Variants in SUV39H2 observed in about 807,000 individuals in gnomAD.
SUV39H2 encodes SUV39H2 histone lysine methyltransferase, also known as histone-lysine N-methyltransferase SUV39H2.
A neutral mutation model predicts 47.5 loss-of-function variants in SUV39H2; 10 were observed. The ratio of observed to expected loss-of-function variants is 0.21; its 90% CI spans 0.13 to 0.36. The LOEUF (loss-of-function observed/expected upper bound fraction) is 0.36, where lower values mean the gene tolerates loss of function less well. Ranked by LOEUF, SUV39H2 falls within the 10% of genes least tolerant of loss-of-function variation. The probability of loss-of-function intolerance (pLI) is 1.00; values close to 1 mark genes in which losing one functional copy is unlikely to be tolerated. For missense variants in SUV39H2, 266 were observed against 487.4 expected (o/e 0.55, Z 4.28); for synonymous variants, 159 against 166.8 (o/e 0.95, Z 0.36).
At chr10:14,899,797 A>G in intron 4 of SUV39H2, 112 bp downstream of exon 4, 1 of 1,305,560 alleles carries the variant, frequency 7.7e-7, no homozygotes, top group Non-Finnish European at 1.0e-6. Flanking sequence ...CATTTCCAAA[A>G]TATGTATTTT....
rs117353237 is a variant in SUV39H2 at position 14,898,742 on chromosome 10, C to T, written c.850-797C>T. 6.3e-3 allele frequency: 961 copies of T among 153,004 alleles called. 4 individuals carry two copies. The highest frequency in any genetic ancestry group is 9.6e-3 in the Non-Finnish European group (661 of 68,540). The allele number at this position is 153,004 out of a possible 1,614,324, so 9.5% of individuals were successfully genotyped here. A position where few individuals can be genotyped will look rare whatever the true frequency, so the allele number is the denominator to read the frequency against. On this transcript the variant is annotated intron_variant, in intron 3 of 5. Coordinates refer to ENST00000354919, the MANE Select transcript of SUV39H2 (RefSeq NM_001193424.2). ...TTCTTAAGAGCAGAACTGTAGATGA[C>T]GATCTTAGACTTACAGAATTGCATG...
intron 3 of SUV39H2, chr10:14,897,928 A>C (rs2131705409): frequency 6.5e-6 from 1 of 153,216 alleles, no homozygotes; most frequent in South Asian, 2.1e-4. Context: ...GCAGAACTCT[A>C]TTTTGGATCA....
At chr10:14,894,153 C>T (rs1468778283) in intron 2 of SUV39H2, among the ~76,000 whole-genome samples, 2 of 151,636 alleles carry the variant, frequency 1.3e-5, no homozygotes, top group East Asian at 3.9e-4. Context: ...TAGCGGTCAC[C>T]TGAAAGGAGG....
chr10:14,889,663 C>T (rs1347639576), intron 2 of SUV39H2, among the ~76,000 whole-genome samples: 3 of 152,120 alleles, frequency 2.0e-5, no homozygotes, highest in Non-Finnish European at 4.4e-5. Flanking sequence ...GGTCATACAT[C>T]ACTGAAAATA....
At position 14,897,028 on chromosome 10, in the gene SUV39H2, A is replaced by G. The variant is rs779320832; in HGVS notation, c.360A>G (p.Lys120=). ...CAAAAGACAATAACAAAACTTTGAA[A>G]CCTGCCATTGCTGAGTACATTGTGA... ...ITPKDNNKTL[K]PAIAEYIVKK... Residue 120 remains lysine (K), a synonymous_variant, in exon 3 of 6, where the codon AAA becomes AAG. Coordinates refer to ENST00000354919, the MANE Select transcript of SUV39H2 (RefSeq NM_001193424.2). The G allele has an allele frequency of 3.1e-6, 5 of 1,614,128 alleles. No homozygotes were observed. The highest frequency in any genetic ancestry group is 4.2e-6 in the Non-Finnish European group (5 of 1,180,022).
At chr10:14,889,598 A>C (rs898146570) in intron 2 of SUV39H2, among the ~76,000 whole-genome samples, 17 of 152,186 alleles carry the variant, frequency 1.1e-4, no homozygotes, top group Admixed American at 3.9e-4. Context: ...GAAGGCTGGC[A>C]GTTAAGGCAG....
At position 14,894,407 on chromosome 10, in the gene SUV39H2, G is replaced by A. The variant is rs1410844572; in HGVS notation, c.178-2439G>A. ...TTTTGAGACGGAGTCTCGCTCTGTC[G>A]CCCAGGCTGGAGTGCAGTGGCGCGA... On this transcript the variant is annotated intron_variant, in intron 2 of 5. Transcript: ENST00000354919. Among the ~76,000 whole-genome samples, 3 of 44,034 alleles carry A rather than the reference G, an allele frequency of 6.8e-5. 1 individual carries two copies. The highest frequency in any genetic ancestry group is 6.8e-4 in the Admixed American group (2 of 2,944). The allele number at this position is 44,034 out of a possible 152,430, so 28.9% of individuals were successfully genotyped here. A position where few individuals can be genotyped will look rare whatever the true frequency, so the allele number is the denominator to read the frequency against.
At chr10:14,879,159 A>G (rs114727491) in intron 1 of SUV39H2, 99 of 1,206,512 alleles carry the variant, frequency 8.2e-5, no homozygotes, top group African/African-American at 1.6e-4. Context: ...GGCACTTCGG[A>G]AGTGGAGCGT....
intron 2 of SUV39H2, among the ~76,000 whole-genome samples, chr10:14,895,935 TTTTG>T (rs1416666789): frequency 9.9e-5 from 15 of 151,886 alleles, no homozygotes; most frequent in African/African-American, 2.2e-4. Context: ...TTGCTTTTTT[TTTTG>T]TTTGTTTGTT....
chr10:14,896,072 T>C (rs1833589175), intron 2 of SUV39H2, among the ~76,000 whole-genome samples: 1 of 152,100 alleles, frequency 6.6e-6, no homozygotes, highest in African/African-American at 2.4e-5. Context: ...CCCTCCCTAG[T>C]ACTGGCATTA....
chr10:14,889,189 A>G (rs142773679), intron 2 of SUV39H2, among the ~76,000 whole-genome samples: 79 of 152,308 alleles, frequency 5.2e-4, no homozygotes, highest in African/African-American at 1.7e-3. Flanking sequence ...CTTTCAAGAA[A>G]ACGAGAGGGC....
In SUV39H2 at chr10:14,881,574, T is replaced by C. The variant is rs1833040578; in HGVS notation, c.106T>C (p.Ser36Pro). 6.2e-7 allele frequency: 1 copy of C among 1,605,398 alleles called. No homozygotes were observed. The highest frequency in any genetic ancestry group is 1.1e-5 in the South Asian group (1 of 89,258). Residue 36 changes from serine (S) to proline (P), a missense_variant, in exon 2 of 6, where the codon TCG becomes CCG. By Grantham distance (74) the Ser-to-Pro change is moderately conservative. Around this residue, in one of 4 missense-constraint regions of SUV39H2, gnomAD observed 32 missense variants for 77.2 expected, o/e 0.41. Transcript: ENST00000354919. Reference protein sequence around the residue: ...LCRKEKLTCKSIGITKRNLNN... With the variant: ...LCRKEKLTCKPIGITKRNLNN... ...TAGAAAAGAAAAGCTCACATGTAAATCGATTGGAATCACCAAAAGGAATCT... is the reference window on the plus strand; with the variant it reads ...TAGAAAAGAAAAGCTCACATGTAAACCGATTGGAATCACCAAAAGGAATCT...
intron 2 of SUV39H2, among the ~76,000 whole-genome samples, chr10:14,896,280 A>C (rs1427971256): frequency 6.6e-6 from 1 of 152,152 alleles, no homozygotes; most frequent in African/African-American, 2.4e-5. Flanking sequence ...CTCAATTCAG[A>C]TTGGCCACAT....
chr10:14,886,150 G>A (rs1021926074), intron 2 of SUV39H2, among the ~76,000 whole-genome samples: 1 of 152,212 alleles, frequency 6.6e-6, no homozygotes, highest in Non-Finnish European at 1.5e-5. Flanking sequence ...AAACATAGCT[G>A]AAGAACAGAC....
At chr10:14,885,589 C>T (rs1201635249) in intron 2 of SUV39H2, among the ~76,000 whole-genome samples, 1 of 152,182 alleles carries the variant, frequency 6.6e-6, no homozygotes, top group Non-Finnish European at 1.5e-5. Context: ...TTAGTTTCTT[C>T]TTAGTCTTTC....
chr10:14,898,283 AAGGTCACAC>A (rs1274122116), intron 3 of SUV39H2: 2 of 133,610 alleles, frequency 1.5e-5, no homozygotes, highest in South Asian at 2.4e-4. Context: ...TACCTTGCCC[AAGGTCACAC>A]AGGTCACATA....
At chr10:14,895,411 A>C (rs1833539557) in intron 2 of SUV39H2, among the ~76,000 whole-genome samples, 1 of 152,086 alleles carries the variant, frequency 6.6e-6, no homozygotes, top group South Asian at 2.1e-4. Context: ...CCTGGCCCCA[A>C]GTGATTCACC....
chr10:14,894,775 C>T (rs771867957), intron 2 of SUV39H2, among the ~76,000 whole-genome samples: 1 of 152,190 alleles, frequency 6.6e-6, no homozygotes, highest in Non-Finnish European at 1.5e-5. Flanking sequence ...TGGGTGGGCG[C>T]CTGGTTCCTG....
chr10:14,884,140 C>T (rs1385464694), intron 2 of SUV39H2, among the ~76,000 whole-genome samples: 2 of 152,166 alleles, frequency 1.3e-5, no homozygotes, highest in East Asian at 3.8e-4. Flanking sequence ...TATGAACATT[C>T]GCCTACAGGG....
Sources: allele counts gnomAD v4.1 joint callset (sites outside exome capture counted in the v4.1 genomes callset), GRCh38; gene constraint gnomAD v4.1.1; regional missense constraint gnomAD v4.1.1; transcripts MANE v1.5; gene names NCBI Gene and HGNC (gene_info 2026-07-23, HGNC 2026-07-21).